The following IGF2BP3 variants were observed in gnomAD, a reference collection of about 807,000 sequenced individuals.
IGF2BP3 encodes insulin like growth factor 2 mRNA binding protein 3, also known as insulin-like growth factor 2 mRNA-binding protein 3.
Under a neutral mutation model 73.8 loss-of-function variants are expected in IGF2BP3, and 9 were observed. The observed-to-expected ratio is 0.12, with a 90% CI of 0.07 to 0.21. IGF2BP3 has a LOEUF of 0.21. IGF2BP3 is among the 10% of genes least tolerant of loss of function. The pLI is 1.00. For missense variants in IGF2BP3, 542 were observed against 714.0 expected (o/e 0.76, Z 2.75); for synonymous variants, 258 against 256.7 (o/e 1.01, Z -0.05).
chr7:23,339,924 T>C (rs1784665890), intron 10 of IGF2BP3, among the ~76,000 whole-genome samples: 1 of 152,222 alleles, frequency 6.6e-6, no homozygotes, highest in Non-Finnish European at 1.5e-5. Context: ...AGATTCCTAT[T>C]TTAGGCTCAT....
rs1273990056 is a variant in IGF2BP3, at chr7:23,351,161, C to T, written c.683+144G>A. 10 of 807,802 alleles carry T rather than the reference C, an allele frequency of 1.2e-5. No homozygotes were observed. In the East Asian group the frequency reaches 2.7e-4, roughly 22 times the overall value. The allele number at this position is 807,802 out of a possible 1,614,324, so 50.0% of individuals were successfully genotyped here. ...ATATGAAATGAACACCAAGATACTG[C>T]AAGATTTTTACACATTCCCAAGTAC... On this transcript the variant is annotated intron_variant, in intron 6 of 14. Transcript: ENST00000258729.
intron 3 of IGF2BP3, among the ~76,000 whole-genome samples, chr7:23,384,486 T>C (rs537181363): frequency 6.6e-6 from 1 of 152,286 alleles, no homozygotes; most frequent in South Asian, 2.1e-4. Context: ...AAAGTCCTAT[T>C]TATAAGAATG....
chr7:23,315,494 TTACA>T (rs542370060), intron 12 of IGF2BP3, among the ~76,000 whole-genome samples: 1 of 152,094 alleles, frequency 6.6e-6, no homozygotes, highest in Non-Finnish European at 1.5e-5. Flanking sequence ...AAACAACCTA[TTACA>T]TACAGCAAAG....
chr7:23,342,071 T>G lies in IGF2BP3; in HGVS notation c.1196A>C (p.Gln399Pro). The G allele has an allele frequency of 6.4e-7, 1 of 1,574,410 alleles. No individual in the cohort carries two copies. The highest frequency in any genetic ancestry group is 8.6e-7 in the Non-Finnish European group (1 of 1,166,976). Residue 399 changes from glutamine (Q) to proline (P), a missense_variant, in exon 10 of 15, where the codon CAG becomes CCG. Physicochemically the swap from Gln to Pro is moderately conservative, Grantham distance 76. Coordinates refer to ENST00000258729, the MANE Select transcript of IGF2BP3 (RefSeq NM_006547.3). The stretch of plus-strand genomic sequence containing the variant: ...CAAGGCCAGTTATCTTACCTCAAAC[T>G]GCGGGTAGGGAGGAGTCATGGCTGA... ...PPSAMTPPYP[Q>P]FEQSETETVH...
rs563472481 is a variant in IGF2BP3 at position 23,347,466 on chromosome 7, G to A, written c.818+134C>T. The A allele has an allele frequency of 3.2e-5, 28 of 864,550 alleles. No homozygotes were observed. The Admixed American group carries it at 6.3e-4, about 19-fold the overall frequency. 53.6% of individuals were successfully genotyped at this position (864,550 alleles called of 1,614,324 possible). The stretch of plus-strand genomic sequence containing the variant: ...CATACACTTCACAACCAGATCAACA[G>A]TGCCAACCACTGTAGCTCATCAGGA... On this transcript the variant is annotated intron_variant, in intron 7 of 14. Transcript: ENST00000258729.
chr7:23,447,686 A>C (rs1345032909), intron 2 of IGF2BP3, among the ~76,000 whole-genome samples: 1 of 152,142 alleles, frequency 6.6e-6, no homozygotes, highest in Non-Finnish European at 1.5e-5. Context: ...AAAAGAGACC[A>C]AACAGGCTGG....
intron 5 of IGF2BP3, among the ~76,000 whole-genome samples, chr7:23,352,825 A>G (rs1254316421): frequency 6.6e-6 from 1 of 152,202 alleles, no homozygotes; most frequent in Non-Finnish European, 1.5e-5. Flanking sequence ...GTAAATATAT[A>G]TGAGTATACA....
intron 2 of IGF2BP3, among the ~76,000 whole-genome samples, chr7:23,426,340 A>G (rs74733393): frequency 0.057 from 6,444 of 113,866 alleles, 362 homozygotes; most frequent in African/African-American, 0.15. Context: ...AAAAAAAAAA[A>G]GGGGGGTGGG....
At chr7:23,406,666 T>C (rs555681382) in intron 3 of IGF2BP3, among the ~76,000 whole-genome samples, 4 of 152,270 alleles carry the variant, frequency 2.6e-5, no homozygotes, top group African/African-American at 9.6e-5. Flanking sequence ...AAGGGGACCC[T>C]GGCGGGTTGC....
intron 2 of IGF2BP3, among the ~76,000 whole-genome samples, chr7:23,438,797 T>C (rs548730612): frequency 6.6e-6 from 1 of 152,086 alleles, no homozygotes; most frequent in South Asian, 2.1e-4. Context: ...TTAAATTACT[T>C]TCTCAGAAAA....
intron 3 of IGF2BP3, among the ~76,000 whole-genome samples, chr7:23,374,164 T>C (rs560435786): frequency 2.0e-5 from 3 of 152,166 alleles, no homozygotes; most frequent in Non-Finnish European, 4.4e-5. Context: ...AAGAAGTACT[T>C]CTACACCCAT....
At chr7:23,446,186 A>C (rs1230944669) in intron 2 of IGF2BP3, among the ~76,000 whole-genome samples, 2 of 152,222 alleles carry the variant, frequency 1.3e-5, no homozygotes, top group African/African-American at 2.4e-5. Flanking sequence ...AACATGTTAT[A>C]ATCTATGCAA....
chr7:23,355,702 A>C (rs1205482504), intron 5 of IGF2BP3, among the ~76,000 whole-genome samples: 1 of 152,002 alleles, frequency 6.6e-6, no homozygotes, highest in Non-Finnish European at 1.5e-5. Context: ...GGAGACCAAG[A>C]TGGGTGGATC....
intron 10 of IGF2BP3, among the ~76,000 whole-genome samples, chr7:23,334,859 C>G (rs1583899599): frequency 6.6e-6 from 1 of 152,010 alleles, no homozygotes; most frequent in East Asian, 1.9e-4. Context: ...TTGTGGGGGA[C>G]AAAATCTAAG....
At chr7:23,450,045 T>A (rs1177609614) in intron 2 of IGF2BP3, among the ~76,000 whole-genome samples, 2 of 152,228 alleles carry the variant, frequency 1.3e-5, no homozygotes, top group Admixed American at 6.5e-5. Context: ...AAGGCAATGA[T>A]GAGTAAAGCT....
chr7:23,315,594 G>A (rs1183587567), intron 12 of IGF2BP3, among the ~76,000 whole-genome samples: 1 of 152,184 alleles, frequency 6.6e-6, no homozygotes, highest in Non-Finnish European at 1.5e-5. Flanking sequence ...CACTGATTCA[G>A]AAAGCTGAGC....
intron 10 of IGF2BP3, among the ~76,000 whole-genome samples, chr7:23,322,976 C>G (rs1478972496): frequency 6.6e-6 from 1 of 152,180 alleles, no homozygotes; most frequent in East Asian, 1.9e-4. Flanking sequence ...CATGCCAAAA[C>G]GTAAAGACCA....
chr7:23,411,358 G>C (rs933947807), intron 3 of IGF2BP3, among the ~76,000 whole-genome samples: 1 of 152,110 alleles, frequency 6.6e-6, no homozygotes, highest in Non-Finnish European at 1.5e-5. Flanking sequence ...AAAGTGGGTG[G>C]ATCACCTGAG....
At chr7:23,360,594 C>T (rs1785201209) in intron 5 of IGF2BP3, among the ~76,000 whole-genome samples, 1 of 152,208 alleles carries the variant, frequency 6.6e-6, no homozygotes. Flanking sequence ...ACCTTATACA[C>T]ATTTCCATCT....
Sources: gnomAD v4.1 joint callset for allele counts (sites outside exome capture counted in the v4.1 genomes callset) on GRCh38, gnomAD v4.1.1 for gene constraint, MANE v1.5 for transcripts, NCBI Gene and HGNC (gene_info 2026-07-23, HGNC 2026-07-21) for gene names.